The following WWP2 variants were observed in gnomAD, a reference collection of about 807,000 sequenced individuals.
The protein encoded by WWP2 is WW domain containing E3 ubiquitin protein ligase 2.
WWP2 carries 57 observed loss-of-function variants against 121.0 expected under a neutral mutation model. The ratio of observed to expected loss-of-function variants is 0.47; its 90% CI spans 0.38 to 0.59. The LOEUF is 0.59. Among genes scored for constraint, WWP2 ranks in the 20% least tolerant of loss-of-function variants. The pLI, the probability that WWP2 is intolerant of heterozygous loss-of-function variation, is 0.00. For synonymous variants in WWP2, 449 were observed against 441.3 expected (o/e 1.02, Z -0.22); for missense variants, 962 against 1,158.9 (o/e 0.83, Z 2.47).
intron 4 of WWP2, among the ~76,000 whole-genome samples, chr16:69,831,895 C>A (rs1210429017): frequency 7.3e-6 from 1 of 137,916 alleles, no homozygotes; most frequent in East Asian, 2.2e-4. Flanking sequence ...GTACCCTGAT[C>A]TCAGCTCACT....
intron 4 of WWP2, among the ~76,000 whole-genome samples, chr16:69,806,934 T>TTTTTTTTATTTA (rs1379702348): frequency 1.0e-4 from 15 of 148,390 alleles, no homozygotes; most frequent in African/African-American, 3.5e-4. Flanking sequence ...CCTAGATCTG[T>TTTTTTTTATTTA]TTTATTTATT....
Position 69,908,872 on chromosome 16 carries a change from C to T in WWP2, c.1004+22C>T, listed in dbSNP as rs745454433. On this transcript the variant is annotated intron_variant, in intron 9 of 23. Coordinates refer to ENST00000359154, the MANE Select transcript of WWP2 (RefSeq NM_001270454.2). ...CAGGGTAGGTCATCAACTGAGAAGA[C>T]CTGAGACTCTGGAACTGACACCATG... The T allele has an allele frequency of 1.5e-5, 25 of 1,614,102 alleles. No individual in the cohort carries two copies. In the South Asian group the frequency reaches 1.8e-4, roughly 11 times the overall value.
intron 4 of WWP2, among the ~76,000 whole-genome samples, chr16:69,816,726 C>T (rs1381347400): frequency 6.6e-6 from 1 of 152,074 alleles, no homozygotes; most frequent in Non-Finnish European, 1.5e-5. Context: ...TGTACATACA[C>T]ACATGCACAC....
Position 69,842,050 on chromosome 16 carries a change from A to G in WWP2, c.505A>G (p.Ser169Gly), listed in dbSNP as rs750211901. Reference sequence around the variant, plus strand: ...ATCACAGCTGCCTTCGAGAGACTCCAGTGGAACAGCAGTAGCTCCAGAGAA... The same window carrying G: ...ATCACAGCTGCCTTCGAGAGACTCCGGTGGAACAGCAGTAGCTCCAGAGAA... ...DGSQLPSRDS[S>G]GTAVAPENRH... Residue 169 changes from serine to glycine, a missense_variant, in exon 6 of 24, where the codon AGT (serine) becomes GGT (glycine). Ser to Gly is a moderately conservative substitution (Grantham distance 56). Transcript: ENST00000359154. 9.3e-6 allele frequency: 15 copies of G among 1,613,382 alleles called. No individual in the cohort carries two copies. The African/African-American group carries it at 1.2e-4, about 13-fold the overall frequency.
At chr16:69,792,760 C>T (rs1218462000) in intron 2 of WWP2, among the ~76,000 whole-genome samples, 1 of 152,176 alleles carries the variant, frequency 6.6e-6, no homozygotes, top group Non-Finnish European at 1.5e-5. Flanking sequence ...GGCACAATTA[C>T]AGCTCACTAC....
At position 69,935,129 on chromosome 16, in the gene WWP2, C is replaced by T. The variant is rs2058777241; in HGVS notation, c.1843-724C>T. The stretch of plus-strand genomic sequence containing the variant: ...AGCGGAGCCCGTGGGAGGCACAGCG[C>T]GGGAGCCACATGCATAGCTGGAGAT... On this transcript the variant is annotated intron_variant, in intron 17 of 23. Coordinates refer to ENST00000359154, the MANE Select transcript of WWP2 (RefSeq NM_001270454.2). This position sits in a 1 kb window ranked among gnomAD's most constrained non-coding sequence, Gnocchi z 5.2. 2.0e-5 allele frequency among the ~76,000 whole-genome samples: 3 copies of T among 152,174 alleles called. No individual in the cohort carries two copies. The highest frequency in any genetic ancestry group is 6.5e-5 in the Admixed American group (1 of 15,278).
At chr16:69,791,515 A>G (rs756895104) in intron 2 of WWP2, among the ~76,000 whole-genome samples, 16 of 152,054 alleles carry the variant, frequency 1.1e-4, no homozygotes, top group Middle Eastern at 3.4e-3. Flanking sequence ...GGCGTAAGCC[A>G]CTGCACCTGG....
At chr16:69,884,421 T>G (rs1414444559) in intron 7 of WWP2, among the ~76,000 whole-genome samples, 2 of 152,020 alleles carry the variant, frequency 1.3e-5, no homozygotes, top group Non-Finnish European at 2.9e-5. Flanking sequence ...CTCAGGAGTT[T>G]GAGACCAGCC....
At chr16:69,907,947 C>T in intron 8 of WWP2, among the ~76,000 whole-genome samples, 1 of 152,064 alleles carries the variant, frequency 6.6e-6, no homozygotes, top group East Asian at 1.9e-4. Context: ...AGTCATAGAA[C>T]CTGTGACTTT....
chr16:69,934,170 T>C (rs2058761512), intron 17 of WWP2, 41 bp downstream of exon 17: 1 of 1,601,262 alleles, frequency 6.2e-7, no homozygotes, highest in Non-Finnish European at 8.5e-7. Flanking sequence ...CCTCCTCCTC[T>C]CCCTCCTCTT....
chr16:69,771,393 C>T (rs1203113514), intron 1 of WWP2, among the ~76,000 whole-genome samples: 2 of 152,110 alleles, frequency 1.3e-5, no homozygotes, highest in Non-Finnish European at 2.9e-5. Flanking sequence ...ATTACAGGTG[C>T]CTGCCACCAT....
intron 4 of WWP2, among the ~76,000 whole-genome samples, chr16:69,816,135 G>C (rs1439127480): frequency 6.6e-6 from 1 of 151,998 alleles, no homozygotes; most frequent in Non-Finnish European, 1.5e-5. Context: ...TTTCAACCTG[G>C]TAAACCACTA....
In WWP2 at chr16:69,908,771, C is replaced by T. The variant is rs1206211338; in HGVS notation, c.925C>T (p.Arg309Ter). Residue 309 changes from arginine (R) to a stop codon, truncating the protein, a stop_gained, in exon 9 of 24, where the codon CGA becomes TGA. Transcript: ENST00000359154. LOFTEE classifies it high-confidence loss of function. ...PDALPAGWEQ[R>*]ELPNGRVYYV... is the part of the protein sequence containing the mutation. ...GACTTTATTTTTCAGATGGGAACAG[C>T]GAGAGCTGCCCAACGGACGTGTCTA... 3.1e-6 allele frequency: 5 copies of T among 1,614,008 alleles called. No homozygotes were observed. Among genetic ancestry groups the T allele is most frequent in the East Asian group, 2.2e-5 (1 of 44,898 alleles).
intron 8 of WWP2, among the ~76,000 whole-genome samples, chr16:69,901,892 A>T (rs1031040605): frequency 6.6e-5 from 10 of 152,298 alleles, no homozygotes; most frequent in African/African-American, 2.4e-4. Context: ...TGGAGGTTAC[A>T]GTGAGTTGAG....
chr16:69,923,354 A>AG (rs1268267443), intron 10 of WWP2, among the ~76,000 whole-genome samples: 2 of 152,022 alleles, frequency 1.3e-5, no homozygotes, highest in East Asian at 3.9e-4. Flanking sequence ...TAACAAACAG[A>AG]GGATACCAAG....
At chr16:69,765,365 A>T (rs1597628598) in intron 1 of WWP2, among the ~76,000 whole-genome samples, 2 of 152,186 alleles carry the variant, frequency 1.3e-5, no homozygotes, top group Middle Eastern at 6.8e-3. Flanking sequence ...TCTTATTTCT[A>T]TTGGACAAAC....
At chr16:69,879,701 C>G (rs1171678638) in intron 7 of WWP2, among the ~76,000 whole-genome samples, 2 of 152,218 alleles carry the variant, frequency 1.3e-5, no homozygotes, top group African/African-American at 4.8e-5. Flanking sequence ...AGTATCTGAG[C>G]CCAAGATTTC....
intron 6 of WWP2, among the ~76,000 whole-genome samples, chr16:69,854,123 G>T (rs192862442): frequency 2.0e-5 from 3 of 152,346 alleles, no homozygotes; most frequent in Admixed American, 2.0e-4. Context: ...TCTGTATCTG[G>T]ATTCTACTAC....
chr16:69,923,284 TCTC>T (rs1174174815), intron 10 of WWP2, among the ~76,000 whole-genome samples: 1 of 113,024 alleles, frequency 8.8e-6, no homozygotes, highest in East Asian at 3.1e-4. Flanking sequence ...TGCCTCCTCT[TCTC>T]CTCGCTTCTT....
Sources: allele counts gnomAD v4.1 joint callset (sites outside exome capture counted in the v4.1 genomes callset), GRCh38; gene constraint gnomAD v4.1.1; non-coding constraint Gnocchi (gnomAD v3.1); transcripts MANE v1.5; gene names NCBI Gene and HGNC (gene_info 2026-07-23, HGNC 2026-07-21).